KCNIP1: variants seen among roughly 807,000 people sequenced by gnomAD.
KCNIP1 encodes the protein potassium voltage-gated channel interacting protein 1.
KCNIP1 carries 18 observed loss-of-function variants against 33.0 expected under a neutral mutation model. That is an observed-to-expected ratio of 0.55 (90% CI 0.38 to 0.81). KCNIP1 has a LOEUF of 0.81. Among genes scored for constraint, KCNIP1 ranks in the 30% least tolerant of loss-of-function variants. The probability of loss-of-function intolerance (pLI) is 0.00; values close to 1 mark genes in which losing one functional copy is unlikely to be tolerated. For missense variants in KCNIP1, 238 were observed against 271.6 expected, an observed-to-expected ratio of 0.88 and a Z score of 0.87; for synonymous variants, 93 against 98.3, an observed-to-expected ratio of 0.95 and a Z score of 0.32.
chr5:170,688,084 A>G (rs1762602719), intron 1 of KCNIP1, among the ~76,000 whole-genome samples: 1 of 152,192 alleles, frequency 6.6e-6, no homozygotes, highest in African/African-American at 2.4e-5. Flanking sequence ...TACATGATAT[A>G]CTTCATATAC....
At chr5:170,529,516 A>G (rs1355013746) in intron 1 of KCNIP1, among the ~76,000 whole-genome samples, 1 of 152,220 alleles carries the variant, frequency 6.6e-6, no homozygotes, top group African/African-American at 2.4e-5. Flanking sequence ...CAGAAACAAA[A>G]TATGTTACTG....
At chr5:170,610,674 A>C (rs1049753465) in intron 1 of KCNIP1, among the ~76,000 whole-genome samples, 6 of 152,192 alleles carry the variant, frequency 3.9e-5, no homozygotes, top group Admixed American at 3.9e-4. Context: ...GAAAATGACT[A>C]TTTTATGTAT....
At chr5:170,402,978 T>C (rs1281099833) in intron 1 of KCNIP1, among the ~76,000 whole-genome samples, 2 of 152,226 alleles carry the variant, frequency 1.3e-5, no homozygotes, top group African/African-American at 4.8e-5. Context: ...CTGAATTAGG[T>C]GCCCCTCGTT....
At chr5:170,432,850 T>G (rs973819144) in intron 1 of KCNIP1, among the ~76,000 whole-genome samples, 2 of 152,184 alleles carry the variant, frequency 1.3e-5, no homozygotes, top group African/African-American at 4.8e-5. Flanking sequence ...AGTATTGACA[T>G]GACCAGAAGA....
intron 1 of KCNIP1, among the ~76,000 whole-genome samples, chr5:170,609,991 C>T (rs1479592879): frequency 6.6e-6 from 1 of 152,210 alleles, no homozygotes; most frequent in Non-Finnish European, 1.5e-5. Context: ...TGAGCTCTTG[C>T]TGGGGTGGGT....
chr5:170,353,809 T>A, exon 1 of KCNIP1: 1 of 1,455,250 alleles, frequency 6.9e-7, no homozygotes, highest in Non-Finnish European at 9.6e-7. Context: ...TCCAAGTTCC[T>A]GGGGTGCACA....
chr5:170,539,853 T>G (rs74652763), intron 1 of KCNIP1, among the ~76,000 whole-genome samples: 4,837 of 152,292 alleles, frequency 0.032, 124 homozygotes, highest in Non-Finnish European at 0.05. Context: ...GCCCAAAAAT[T>G]GCTAGAAGTT....
intron 1 of KCNIP1, among the ~76,000 whole-genome samples, chr5:170,560,433 A>G (rs1040722614): frequency 1.3e-5 from 2 of 152,048 alleles, no homozygotes; most frequent in Non-Finnish European, 2.9e-5. Flanking sequence ...GAGTCTTATG[A>G]TGGACTCTGT....
chr5:170,692,840 T>C (rs1392610475), intron 1 of KCNIP1, among the ~76,000 whole-genome samples: 1 of 152,158 alleles, frequency 6.6e-6, no homozygotes, highest in Non-Finnish European at 1.5e-5. Context: ...AATACTAAAA[T>C]TAGAAGACTA....
intron 1 of KCNIP1, among the ~76,000 whole-genome samples, chr5:170,607,188 C>T (rs984181502): frequency 3.3e-5 from 5 of 152,172 alleles, no homozygotes; most frequent in Non-Finnish European, 7.3e-5. Context: ...TGCCCTGGTT[C>T]GGATCTACTT....
At chr5:170,607,646 T>A (rs1758978361) in intron 1 of KCNIP1, among the ~76,000 whole-genome samples, 1 of 152,228 alleles carries the variant, frequency 6.6e-6, no homozygotes, top group African/African-American at 2.4e-5. Flanking sequence ...CACGAAGGGT[T>A]CATCCCTGCC....
At chr5:170,535,286 T>C (rs1026188814) in intron 1 of KCNIP1, among the ~76,000 whole-genome samples, 1 of 152,166 alleles carries the variant, frequency 6.6e-6, no homozygotes, top group African/African-American at 2.4e-5. Context: ...TCTGACTTAA[T>C]GACAGTGGAA....
intron 1 of KCNIP1, among the ~76,000 whole-genome samples, chr5:170,642,709 A>G (rs759801379): frequency 1.2e-4 from 19 of 152,232 alleles, no homozygotes; most frequent in Non-Finnish European, 1.9e-4. Flanking sequence ...TTGTGTCTGC[A>G]TCAAACCCAG....
chr5:170,427,406 T>C (rs1167256961), intron 1 of KCNIP1, among the ~76,000 whole-genome samples: 2 of 152,210 alleles, frequency 1.3e-5, no homozygotes, highest in Admixed American at 1.3e-4. Context: ...AACCATCTCA[T>C]CTAATCCTCA....
At chr5:170,503,724 T>TCACTCA (rs1754551868), upstream of KCNIP1, among the ~76,000 whole-genome samples, 1 of 136,472 alleles carries the variant, frequency 7.3e-6, no homozygotes, top group Non-Finnish European at 1.6e-5. Context: ...CGCACGCACA[T>TCACTCA]CACACACACA....
intron 1 of KCNIP1, among the ~76,000 whole-genome samples, chr5:170,628,485 C>CGT (rs58781683): frequency 2.9e-4 from 44 of 151,546 alleles, no homozygotes; most frequent in South Asian, 6.3e-4. Context: ...CTCCAAAGGG[C>CGT]GTGTGTGTGT....
Position 170,560,144 on chromosome 5 carries a change from G to T in KCNIP1, c.61+55511G>T, listed in dbSNP as rs183365695. Among the ~76,000 whole-genome samples, 77 of 152,310 alleles carry T rather than the reference G, an allele frequency of 5.1e-4. No individual in the cohort carries two copies. The East Asian group carries it at 0.013, about 25-fold the overall frequency. On this transcript the variant is annotated intron_variant, in intron 1 of 7. Coordinates refer to ENST00000328939, the MANE Select transcript of KCNIP1 (RefSeq NM_014592.4). The stretch of plus-strand genomic sequence containing the variant: ...CTCTCAGGAAGAGCCAGTTTTCTGG[G>T]CAGTGTGGGGCAGGACAGAGCTCAT...
At chr5:170,408,528 G>A (rs1293849045) in intron 1 of KCNIP1, among the ~76,000 whole-genome samples, 4 of 152,146 alleles carry the variant, frequency 2.6e-5, no homozygotes, top group East Asian at 1.9e-4. Context: ...AAAACACCTC[G>A]CAGAAGCACA....
intron 1 of KCNIP1, among the ~76,000 whole-genome samples, chr5:170,374,456 G>C (rs1300425067): frequency 6.6e-6 from 1 of 152,168 alleles, no homozygotes; most frequent in Non-Finnish European, 1.5e-5. Context: ...GGACTGATGA[G>C]CTGAAGCTCT....
Sources: allele counts gnomAD v4.1 joint callset (sites outside exome capture counted in the v4.1 genomes callset), GRCh38; gene constraint gnomAD v4.1.1; transcripts MANE v1.5; gene names NCBI Gene and HGNC (gene_info 2026-07-23, HGNC 2026-07-21).